LRP1B: variants seen among roughly 807,000 people sequenced by gnomAD.
The protein encoded by LRP1B is low-density lipoprotein receptor-related protein 1B.
Under a neutral mutation model 556.6 loss-of-function variants are expected in LRP1B, and 217 were observed. The ratio of observed to expected loss-of-function variants is 0.39; its 90% CI spans 0.35 to 0.44. The LOEUF (loss-of-function observed/expected upper bound fraction) is 0.44. LRP1B is among the 20% of genes least tolerant of loss of function. The probability of loss-of-function intolerance (pLI) is 1.00; values close to 1 mark genes in which losing one functional copy is unlikely to be tolerated. For synonymous variants in LRP1B, 2,047 were observed against 1,865.8 expected (o/e 1.10, Z -2.50); for missense variants, 5,053 against 5,620.8 (o/e 0.90, Z 3.23).
intron 10 of LRP1B, among the ~76,000 whole-genome samples, chr2:141,052,551 T>C (rs1298655916): frequency 3.3e-5 from 5 of 152,200 alleles, no homozygotes; most frequent in Admixed American, 2.6e-4. Context: ...ATTTCCTTAA[T>C]CAAAAGTAAA....
At chr2:140,773,970 C>T (rs1689405291) in intron 33 of LRP1B, among the ~76,000 whole-genome samples, 1 of 151,782 alleles carries the variant, frequency 6.6e-6, no homozygotes, top group Non-Finnish European at 1.5e-5. Context: ...AACCTCATGC[C>T]CCAAATCTCT....
At chr2:141,118,031 A>G (rs1700949519) in intron 7 of LRP1B, among the ~76,000 whole-genome samples, 1 of 151,928 alleles carries the variant, frequency 6.6e-6, no homozygotes, top group Non-Finnish European at 1.5e-5. Context: ...TCCCAACATC[A>G]AGGAAAAAGC....
At chr2:141,672,429 C>A (rs1463838864) in intron 2 of LRP1B, among the ~76,000 whole-genome samples, 2 of 152,174 alleles carry the variant, frequency 1.3e-5, no homozygotes, top group African/African-American at 4.8e-5. Context: ...CAAATTTAGT[C>A]TATTCTATGC....
Position 141,423,290 on chromosome 2 carries a change from C to CCTTTTTTTTTTTT in LRP1B, c.343+57105_343+57106insAAAAAAAAAAAAG, listed in dbSNP as rs1321976263. ...CCCTCTCACTAGGCAACAGCCAGAG[C>CCTTTTTTTTTTTT]TTTTTTTTTTTTTTTTTTTTTTTTT... On this transcript the variant is annotated intron_variant, in intron 3 of 90. Transcript: ENST00000389484. Among the ~76,000 whole-genome samples the CCTTTTTTTTTTTT allele has an allele frequency of 7.3e-5, 5 of 68,376 alleles. 2 individuals carry two copies. The highest frequency in any genetic ancestry group is 1.0e-4 in the African/African-American group (2 of 19,412). 44.9% of individuals were successfully genotyped at this position (68,376 alleles called of 152,430 possible).
At chr2:141,219,465 C>T (rs1039159197) in intron 6 of LRP1B, among the ~76,000 whole-genome samples, 5 of 152,186 alleles carry the variant, frequency 3.3e-5, no homozygotes, top group Non-Finnish European at 7.3e-5. Context: ...GAAGGAGACC[C>T]TGGGGGAAGG....
At chr2:140,865,912 G>A (rs576614604) in intron 27 of LRP1B, among the ~76,000 whole-genome samples, 6 of 152,140 alleles carry the variant, frequency 3.9e-5, no homozygotes, top group African/African-American at 1.4e-4. Flanking sequence ...TAAATATCAG[G>A]AAAGCTTGAG....
At chr2:140,529,437 G>GC (rs1558946318) in intron 47 of LRP1B, among the ~76,000 whole-genome samples, 2 of 109,372 alleles carry the variant, frequency 1.8e-5, no homozygotes, top group African/African-American at 8.6e-5. Context: ...TGAAAAGGGG[G>GC]GGGGGAAGCA....
chr2:141,282,372 T>C (rs949565326), intron 3 of LRP1B, among the ~76,000 whole-genome samples: 1 of 151,782 alleles, frequency 6.6e-6, no homozygotes, highest in African/African-American at 2.4e-5. Flanking sequence ...ATAGGACTGA[T>C]GGCATAATTC....
intron 2 of LRP1B, among the ~76,000 whole-genome samples, chr2:141,731,025 G>A (rs937370013): frequency 6.6e-6 from 1 of 152,150 alleles, no homozygotes; most frequent in African/African-American, 2.4e-5. Context: ...CTCCCAACGG[G>A]GGGTGTGGGG....
At chr2:141,352,571 T>C (rs1298177114) in intron 3 of LRP1B, among the ~76,000 whole-genome samples, 1 of 151,910 alleles carries the variant, frequency 6.6e-6, no homozygotes, top group Non-Finnish European at 1.5e-5. Context: ...TATCTTTAGT[T>C]GGAACAGACC....
At chr2:142,120,216 A>T (rs936770708) in intron 1 of LRP1B, among the ~76,000 whole-genome samples, 2 of 152,144 alleles carry the variant, frequency 1.3e-5, no homozygotes, top group African/African-American at 2.4e-5. Flanking sequence ...GGCTTAAGTG[A>T]TTCTCCTGCC....
intron 3 of LRP1B, among the ~76,000 whole-genome samples, chr2:141,440,357 A>T (rs1680917050): frequency 6.6e-6 from 1 of 152,126 alleles, no homozygotes; most frequent in African/African-American, 2.4e-5. Context: ...GCTCATGTGG[A>T]CTTCCTCCAC....
chr2:142,023,785 CT>C (rs1323501859), intron 1 of LRP1B, among the ~76,000 whole-genome samples: 1 of 152,130 alleles, frequency 6.6e-6, no homozygotes, highest in Non-Finnish European at 1.5e-5. Flanking sequence ...ATTGTCACAT[CT>C]TATATAAGTA....
Position 141,490,940 on chromosome 2 carries a change from T to G in LRP1B, c.206-10407A>C, listed in dbSNP as rs879816434. Among the ~76,000 whole-genome samples the G allele has an allele frequency of 7.1e-4, 107 of 150,952 alleles. 1 individual carries two copies. Among genetic ancestry groups the G allele is most frequent in the South Asian group, 1.7e-3 (8 of 4,764 alleles). On this transcript the variant is annotated intron_variant, in intron 2 of 90. Coordinates refer to ENST00000389484, the MANE Select transcript of LRP1B (RefSeq NM_018557.3). Reference sequence around the variant, plus strand: ...CACCTAGGTTAAAATGTTTTTTTTTTTTTTTTTTTTTTTAATCTCTTACAG... The same window carrying G: ...CACCTAGGTTAAAATGTTTTTTTTTGTTTTTTTTTTTTTAATCTCTTACAG...
intron 5 of LRP1B, among the ~76,000 whole-genome samples, chr2:141,243,521 CT>C (rs1351403572): frequency 1.3e-5 from 2 of 152,056 alleles, no homozygotes. Flanking sequence ...TAATTACTAG[CT>C]TTTAATGTGT....
intron 41 of LRP1B, among the ~76,000 whole-genome samples, chr2:140,614,608 T>C (rs1376040837): frequency 6.6e-6 from 1 of 152,076 alleles, no homozygotes; most frequent in Middle Eastern, 3.2e-3. Flanking sequence ...CTTTTTAATG[T>C]TATGTGGCAG....
At chr2:142,112,113 T>A (rs1354280727) in intron 1 of LRP1B, among the ~76,000 whole-genome samples, 2 of 152,066 alleles carry the variant, frequency 1.3e-5, no homozygotes, top group African/African-American at 4.8e-5. Context: ...TACATCACAG[T>A]TATTAATATA....
At position 141,077,748 on chromosome 2, in the gene LRP1B, T is replaced by C. The variant is rs150816451; in HGVS notation, c.1014-15475A>G. ...CTTCCGGATTGCCTGCCCTACAGAT[T>C]TCAATCTAACTAGCCAGACTCACAA... On this transcript the variant is annotated intron_variant, in intron 7 of 90. Transcript: ENST00000389484. Among the ~76,000 whole-genome samples the C allele has an allele frequency of 7.9e-5, 12 of 152,252 alleles. No homozygotes were observed. The East Asian group carries it at 2.3e-3, about 29-fold the overall frequency.
At chr2:141,727,630 G>A (rs890030702) in intron 2 of LRP1B, among the ~76,000 whole-genome samples, 2 of 152,064 alleles carry the variant, frequency 1.3e-5, no homozygotes, top group African/African-American at 4.8e-5. Context: ...AAAATAAAGA[G>A]AATGGAATAA....
Sources: allele counts gnomAD v4.1 joint callset (sites outside exome capture counted in the v4.1 genomes callset), GRCh38; gene constraint gnomAD v4.1.1; transcripts MANE v1.5; gene names NCBI Gene and HGNC (gene_info 2026-07-23, HGNC 2026-07-21).